The following SLC6A5 variants were observed in gnomAD, a reference collection of about 807,000 sequenced individuals.
SLC6A5 encodes solute carrier family 6 member 5.
A neutral mutation model predicts 90.5 loss-of-function variants in SLC6A5; 58 were observed. The observed-to-expected ratio is 0.64, with a 90% confidence interval of 0.52 to 0.80. The LOEUF is 0.80. Among genes scored for constraint, SLC6A5 ranks in the 30% least tolerant of loss-of-function variants. The probability of loss-of-function intolerance (pLI) is 0.00; values close to 1 mark genes in which losing one functional copy is unlikely to be tolerated. For synonymous variants in SLC6A5, 427 were observed against 401.4 expected, an observed-to-expected ratio of 1.06 and a Z score of -0.76; for missense variants, 1,015 against 1,017.6, an observed-to-expected ratio of 1.00 and a Z score of 0.03.
chr11:20,652,486 T>G, intron 15 of SLC6A5, 30 bp downstream of exon 15: 1 of 1,595,822 alleles, frequency 6.3e-7, no homozygotes, highest in Non-Finnish European at 8.6e-7. Flanking sequence ...TCCCTCCCAA[T>G]TCCTCCCAAG....
At chr11:20,654,623 G>A (rs972688370) in intron 15 of SLC6A5, 90 bp from the exon 16 acceptor site, 1 of 1,307,982 alleles carries the variant, frequency 7.6e-7, no homozygotes, top group South Asian at 1.2e-5. Flanking sequence ...GGTCAAAGTG[G>A]TCATAAGCAG....
intron 7 of SLC6A5, among the ~76,000 whole-genome samples, chr11:20,618,806 G>A (rs4923480): frequency 0.71 from 107,126 of 151,760 alleles, 37,854 homozygotes; most frequent in South Asian, 0.78. Flanking sequence ...GCATGGTGGG[G>A]GGCACCTGTA....
intron 5 of SLC6A5, among the ~76,000 whole-genome samples, chr11:20,614,163 A>C (rs1418085066): frequency 6.6e-6 from 1 of 152,140 alleles, no homozygotes; most frequent in Non-Finnish European, 1.5e-5. Context: ...CTTCTTAGAA[A>C]GCCTTCTGTA....
Position 20,654,766 on chromosome 11 carries a change from A to T in SLC6A5, c.2292A>T (p.Gln764His). The stretch of plus-strand genomic sequence containing the variant: ...CGGACTGGGGCCCATTCTTAGCTCA[A>T]CACCGCGGGGAGCGTTACAAGAACA... ...PQPDWGPFLAQHRGERYKNMI... is the reference protein window; with the variant it reads ...PQPDWGPFLAHHRGERYKNMI... The change falls in exon 16 of 16, where the codon CAA becomes CAT. Residue 764 changes from glutamine (Q) to histidine (H), a missense_variant. By Grantham distance (24) the Gln-to-His change is conservative. Around this residue, in one of 3 missense-constraint regions of SLC6A5, gnomAD observed 442 missense variants for 494.3 expected, o/e 0.89. Transcript: ENST00000525748. The T allele has an allele frequency of 6.2e-7, 1 of 1,614,126 alleles. No individual in the cohort carries two copies. Among genetic ancestry groups the T allele is most frequent in the Non-Finnish European group, 8.5e-7 (1 of 1,180,012 alleles).
chr11:20,630,331 T>C (rs1407185813), intron 9 of SLC6A5, among the ~76,000 whole-genome samples: 2 of 152,180 alleles, frequency 1.3e-5, no homozygotes, highest in Admixed American at 6.5e-5. Context: ...CTTCATGACT[T>C]AATCACTTTT....
At chr11:20,613,979 C>G (rs1201963880) in intron 5 of SLC6A5, among the ~76,000 whole-genome samples, 1 of 152,168 alleles carries the variant, frequency 6.6e-6, no homozygotes, top group Non-Finnish European at 1.5e-5. Flanking sequence ...CACATGTTTC[C>G]TGGAGAGAAG....
rs371391494 is a variant in SLC6A5 at position 20,626,722 on chromosome 11, G to A, written c.1275G>A (p.Thr425=). 1.1e-5 allele frequency: 18 copies of A among 1,613,908 alleles called. No homozygotes were observed. The highest frequency in any genetic ancestry group is 4.5e-5 in the East Asian group (2 of 44,884). Residue 425 remains threonine (T), a synonymous_variant, in exon 8 of 16, where the codon ACG becomes ACA. Coordinates refer to ENST00000525748, the MANE Select transcript of SLC6A5 (RefSeq NM_004211.5). ...GGCTTTTCTAGGTGGTGTACTTCAC[G>A]GCCACGTTCCCGTATGTCGTACTCG... The part of the protein sequence containing the change: ...IKTSGKVVYF[T]ATFPYVVLVI...
At chr11:20,638,632 C>G in intron 13 of SLC6A5, 74 bp downstream of exon 13, 2 of 884,860 alleles carry the variant, frequency 2.3e-6, no homozygotes, top group Middle Eastern at 2.1e-4. Context: ...AGCAGATTTC[C>G]CATACTTAAT....
chr11:20,606,459 A>T (rs989528124), intron 3 of SLC6A5, among the ~76,000 whole-genome samples: 6 of 152,168 alleles, frequency 3.9e-5, no homozygotes, highest in African/African-American at 1.4e-4. Flanking sequence ...TGTGATGGGG[A>T]TGGAGATGGG....
intron 7 of SLC6A5, among the ~76,000 whole-genome samples, chr11:20,622,642 C>A (rs1288614930): frequency 6.6e-6 from 1 of 152,170 alleles, no homozygotes; most frequent in Non-Finnish European, 1.5e-5. Context: ...GACAAATATA[C>A]CTGGCCACAG....
intron 14 of SLC6A5, among the ~76,000 whole-genome samples, chr11:20,648,586 G>A (rs956652361): frequency 1.3e-5 from 2 of 152,068 alleles, no homozygotes; most frequent in Admixed American, 6.5e-5. Flanking sequence ...TTACCTAATC[G>A]GTGGGAAGAG....
intron 1 of SLC6A5, 116 bp downstream of exon 1, chr11:20,599,791 G>C: frequency 8.4e-7 from 1 of 1,191,760 alleles, no homozygotes; most frequent in Non-Finnish European, 1.2e-6. Context: ...GGGAAAGGGG[G>C]CGACGAGGAG....
At chr11:20,606,282 G>A (rs984944177) in intron 3 of SLC6A5, among the ~76,000 whole-genome samples, 3 of 152,230 alleles carry the variant, frequency 2.0e-5, no homozygotes, top group African/African-American at 7.2e-5. Flanking sequence ...AACATTAGGG[G>A]CTCACAGGCT....
At chr11:20,601,965 C>T (rs797003482) in intron 2 of SLC6A5, among the ~76,000 whole-genome samples, 21 of 152,366 alleles carry the variant, frequency 1.4e-4, no homozygotes, top group African/African-American at 5.0e-4. Context: ...AGATTCCACC[C>T]TTTTATGCAG....
At chr11:20,648,314 C>T (rs979190829) in intron 14 of SLC6A5, among the ~76,000 whole-genome samples, 1 of 152,208 alleles carries the variant, frequency 6.6e-6, no homozygotes, top group Admixed American at 6.5e-5. Flanking sequence ...CCCTCCCTCT[C>T]TTCCCTTCCT....
At chr11:20,634,965 C>G (rs1482097639) in intron 10 of SLC6A5, among the ~76,000 whole-genome samples, 1 of 152,010 alleles carries the variant, frequency 6.6e-6, no homozygotes, top group East Asian at 1.9e-4. Context: ...CTTTAGCTAC[C>G]TTTGATTACA....
chr11:20,604,252 G>A, intron 2 of SLC6A5, 34 bp from the exon 3 acceptor site: 1 of 1,588,232 alleles, frequency 6.3e-7, no homozygotes, highest in Non-Finnish European at 8.6e-7. Flanking sequence ...ACCTACTCGG[G>A]GCTGTTATCG....
chr11:20,641,663 T>C (rs763884583), intron 13 of SLC6A5, among the ~76,000 whole-genome samples: 1 of 152,214 alleles, frequency 6.6e-6, no homozygotes, highest in Non-Finnish European at 1.5e-5. Context: ...TGTTCCCTAG[T>C]TCCATTTTCT....
intron 15 of SLC6A5, among the ~76,000 whole-genome samples, chr11:20,654,149 G>A (rs1375012778): frequency 6.6e-6 from 1 of 152,162 alleles, no homozygotes; most frequent in African/African-American, 2.4e-5. Context: ...CAAGTCAGAA[G>A]CGTGCATTTT....
Sources: gnomAD v4.1 joint callset for allele counts (sites outside exome capture counted in the v4.1 genomes callset) on GRCh38, gnomAD v4.1.1 for gene constraint, gnomAD v4.1.1 regional missense constraint, MANE v1.5 for transcripts, NCBI Gene and HGNC (gene_info 2026-07-23, HGNC 2026-07-21) for gene names.